The following UNC5B variants were observed in gnomAD, a reference collection of about 807,000 sequenced individuals.
UNC5B encodes netrin receptor UNC5B.
A neutral mutation model predicts 103.7 loss-of-function variants in UNC5B; 56 were observed. That is an observed-to-expected ratio of 0.54 (90% CI 0.44 to 0.67). The LOEUF (loss-of-function observed/expected upper bound fraction) is 0.67. Ranked by LOEUF, UNC5B falls within the 30% of genes least tolerant of loss-of-function variation. UNC5B has a pLI of 0.00. For synonymous variants in UNC5B, 577 were observed against 542.0 expected, an observed-to-expected ratio of 1.06 and a Z score of -0.90; for missense variants, 1,194 against 1,284.5, an observed-to-expected ratio of 0.93 and a Z score of 1.08.
rs200109749 is a variant in UNC5B at position 71,287,671 on chromosome 10, C to T, written c.807C>T (p.Arg269=). 32 of 1,613,238 alleles carry T rather than the reference C, an allele frequency of 2.0e-5. No homozygotes were observed. In the Admixed American group the frequency reaches 5.2e-4, roughly 26 times the overall value. ...SNRCGRGWQK[R]TRTCTNPAPL... ...GCTGTGGCCGAGGCTGGCAGAAGCG[C>T]ACCCGGACCTGCACCAACCCCGCTC... Residue 269 remains arginine, a synonymous_variant, in exon 6 of 17, where the codon CGC becomes CGT. Coordinates refer to ENST00000335350, the MANE Select transcript of UNC5B (RefSeq NM_170744.5).
intron 1 of UNC5B, among the ~76,000 whole-genome samples, chr10:71,254,179 G>A (rs1485793024): frequency 6.6e-6 from 1 of 152,230 alleles, no homozygotes; most frequent in Non-Finnish European, 1.5e-5. Flanking sequence ...TAAATTATAT[G>A]CAAATGTCTG....
In UNC5B at chr10:71,293,884, A is replaced by C. The variant is rs1303535123; in HGVS notation, c.2126A>C (p.Glu709Ala). The C allele has an allele frequency of 6.2e-7, 1 of 1,606,660 alleles. No individual in the cohort carries two copies. The highest frequency in any genetic ancestry group is 8.5e-7 in the Non-Finnish European group (1 of 1,179,726). Residue 709 changes from glutamate to alanine, a missense_variant, in exon 13 of 17, where the codon GAG (glutamate) becomes GCG (alanine). Coordinates refer to ENST00000335350, the MANE Select transcript of UNC5B (RefSeq NM_170744.5). ...VFAPALCTSL[E>A]YSLRVYCLED... ...GCCCCCGCCCTCTGCACCTCCCTGG[A>C]GTACAGCCTCCGGGTCTACTGCCTG...
chr10:71,285,745 C>T (rs1006133797), intron 4 of UNC5B, among the ~76,000 whole-genome samples: 3 of 152,184 alleles, frequency 2.0e-5, no homozygotes, highest in Non-Finnish European at 4.4e-5. Context: ...GAACCCAAGG[C>T]CCCAGCTTTC....
intron 1 of UNC5B, among the ~76,000 whole-genome samples, chr10:71,216,065 A>C (rs953802044): frequency 6.6e-6 from 1 of 152,060 alleles, no homozygotes; most frequent in African/African-American, 2.4e-5. Context: ...CTGTAGGATA[A>C]AACAGTTCCC....
rs964325161 is a variant in UNC5B at position 71,249,079 on chromosome 10, C to T, written c.80-30742C>T. On this transcript the variant is annotated intron_variant, in intron 1 of 16. Transcript: ENST00000335350. Reference sequence around the variant, plus strand: ...GGCCCCAGCATGACATTCAGATGTCCCATTCTGTGTCCAAGCTTTCAGTCC... The same window carrying T: ...GGCCCCAGCATGACATTCAGATGTCTCATTCTGTGTCCAAGCTTTCAGTCC... Among the ~76,000 whole-genome samples the T allele has an allele frequency of 7.6e-4, 116 of 152,180 alleles. 10 individuals are homozygous for T. Among genetic ancestry groups the T allele is most frequent in the Non-Finnish European group, 8.8e-5 (6 of 68,030 alleles).
chr10:71,287,579 G>A lies in UNC5B; in HGVS notation c.734-19G>A, dbSNP rs1216942921. ...GGTTCCAGAGCCAAGCCATCCAGTT[G>A]ACAGCTGCCGCCTTGCAGTGAATGG... On this transcript the variant is annotated intron_variant, in intron 5 of 16. Transcript: ENST00000335350. 6.3e-7 allele frequency: 1 copy of A among 1,578,174 alleles called. No homozygotes were observed. Among genetic ancestry groups the A allele is most frequent in the Admixed American group, 1.8e-5 (1 of 54,498 alleles).
chr10:71,288,761 G>A (rs1184001271), intron 7 of UNC5B, 29 bp downstream of exon 7: 1 of 1,582,244 alleles, frequency 6.3e-7, no homozygotes, highest in Admixed American at 1.8e-5. Flanking sequence ...GGGGCCCTGG[G>A]GGTGGGGACT....
intron 15 of UNC5B, among the ~76,000 whole-genome samples, chr10:71,297,433 G>A (rs1277665591): frequency 3.9e-5 from 6 of 152,200 alleles, no homozygotes; most frequent in African/African-American, 1.2e-4. Flanking sequence ...TAAAAATCCG[G>A]ATTGAGATTT....
intron 1 of UNC5B, among the ~76,000 whole-genome samples, chr10:71,237,370 G>T (rs1450270476): frequency 2.6e-5 from 4 of 152,120 alleles, no homozygotes; most frequent in African/African-American, 9.7e-5. Flanking sequence ...ACCCCATAAC[G>T]TCTCCATGAG....
chr10:71,285,442 G>A lies in UNC5B; in HGVS notation c.552+13G>A, dbSNP rs371239753. On this transcript the variant is annotated intron_variant, in intron 4 of 16. Transcript: ENST00000335350. The stretch of plus-strand genomic sequence containing the variant: ...GCCTGTGGCCGAGGTGAGCGGGGAC[G>A]TAGGGACCACTGAGCACGGCCCTGT... 7.8e-5 allele frequency: 123 copies of A among 1,574,070 alleles called. 1 individual carries two copies. The highest frequency in any genetic ancestry group is 3.8e-4 in the African/African-American group (28 of 74,410).
At chr10:71,244,628 C>T (rs192658862) in intron 1 of UNC5B, among the ~76,000 whole-genome samples, 15 of 152,292 alleles carry the variant, frequency 9.8e-5, no homozygotes, top group African/African-American at 2.6e-4. Flanking sequence ...AGCTTGCATA[C>T]GTAGAGAGGC....
intron 1 of UNC5B, among the ~76,000 whole-genome samples, chr10:71,245,082 A>G (rs990174740): frequency 7.2e-5 from 11 of 152,224 alleles, no homozygotes; most frequent in African/African-American, 2.4e-4. Context: ...TCCCAATTCT[A>G]TTCACTATTG....
At position 71,300,737 on chromosome 10, in the gene UNC5B, A is replaced by G. The variant is rs1263050655; in HGVS notation, c.*1460A>G. ...GCTTCCCGGTGTCAGTCAGCTCTGC[A>G]ACGTGGGAGCCTTGGAGGCGGGTGG... On this transcript the variant is annotated 3_prime_UTR_variant, in exon 17 of 17. Transcript: ENST00000335350. The G allele has an allele frequency of 1.3e-5, 2 of 152,348 alleles. No homozygotes were observed. Among genetic ancestry groups the G allele is most frequent in the Non-Finnish European group, 2.9e-5 (2 of 68,108 alleles). The allele number at this position is 152,348 out of a possible 1,614,324, so 9.4% of individuals were successfully genotyped here.
intron 1 of UNC5B, among the ~76,000 whole-genome samples, chr10:71,241,517 T>C (rs1280174440): frequency 6.6e-6 from 1 of 152,124 alleles, no homozygotes; most frequent in Non-Finnish European, 1.5e-5. Context: ...GAGGCCCTGG[T>C]GAACACATGT....
intron 8 of UNC5B, among the ~76,000 whole-genome samples, chr10:71,289,922 C>T (rs1302802215): frequency 2.6e-5 from 4 of 152,164 alleles, no homozygotes; most frequent in East Asian, 1.9e-4. Flanking sequence ...GTGGAGGACT[C>T]CAGGCAGAGG....
rs762336258 is a variant in UNC5B, at chr10:71,291,534, T to A, written c.1397T>A (p.Ile466Asn). 92 of 1,613,860 alleles carry A rather than the reference T, an allele frequency of 5.7e-5. No homozygotes were observed. The highest frequency in any genetic ancestry group is 6.4e-5 in the Non-Finnish European group (76 of 1,180,004). ...VYALQDSTDK[I>N]PMTNSPLLDP... ...GCCCTGCAGGACTCCACCGACAAAATCCCCATGACCAACTCTCCTCTGCTG... is the reference window on the plus strand; with the variant it reads ...GCCCTGCAGGACTCCACCGACAAAAACCCCATGACCAACTCTCCTCTGCTG... The change falls in exon 10 of 17, where the codon ATC (isoleucine) becomes AAC (asparagine). Residue 466 changes from isoleucine to asparagine, a missense_variant. By Grantham distance (149) the Ile-to-Asn change is moderately radical. Coordinates refer to ENST00000335350, the MANE Select transcript of UNC5B (RefSeq NM_170744.5).
chr10:71,219,529 T>A (rs1420916717), intron 1 of UNC5B, among the ~76,000 whole-genome samples: 1 of 152,176 alleles, frequency 6.6e-6, no homozygotes, highest in African/African-American at 2.4e-5. Flanking sequence ...GCTGATTAGA[T>A]TGTGCCCACC....
At chr10:71,287,568 G>A (rs1236707826) in intron 5 of UNC5B, 30 bp from the exon 6 acceptor site, 1 of 1,567,752 alleles carries the variant, frequency 6.4e-7, no homozygotes, top group Admixed American at 1.9e-5. Context: ...CCAGAGCCAA[G>A]CCATCCAGTT....
At chr10:71,265,681 G>A (rs1176429925) in intron 1 of UNC5B, among the ~76,000 whole-genome samples, 3 of 152,182 alleles carry the variant, frequency 2.0e-5, no homozygotes, top group Non-Finnish European at 1.5e-5. Context: ...CAGGGGAGCC[G>A]TGCGCTCCTC....
Sources: allele counts gnomAD v4.1 joint callset (sites outside exome capture counted in the v4.1 genomes callset), GRCh38; gene constraint gnomAD v4.1.1; transcripts MANE v1.5; gene names NCBI Gene and HGNC (gene_info 2026-07-23, HGNC 2026-07-21).